HTR1E: variants seen among roughly 807,000 people sequenced by gnomAD.
HTR1E encodes 5-HT-1E.
Under a neutral mutation model 3.4 loss-of-function variants are expected in HTR1E, and 3 were observed. The observed-to-expected ratio is 0.89, with a 90% CI of 0.41 to 2.31. The LOEUF is 2.31. Among genes scored for constraint, HTR1E ranks in the 30% most tolerant of loss-of-function variants. HTR1E has a pLI of 0.05. For missense variants in HTR1E, 392 were observed against 467.0 expected, an observed-to-expected ratio of 0.84 and a Z score of 1.48; for synonymous variants, 170 against 182.8, an observed-to-expected ratio of 0.93 and a Z score of 0.56.
At chr6:86,981,783 T>C (rs1035641584) in intron 1 of HTR1E, among the ~76,000 whole-genome samples, 3 of 152,190 alleles carry the variant, frequency 2.0e-5, no homozygotes, top group African/African-American at 7.2e-5. Context: ...CTCAAAGAAA[T>C]CAAGTAAATT....
At chr6:86,938,166 G>C (rs73497519) in intron 1 of HTR1E, among the ~76,000 whole-genome samples, 1,972 of 152,264 alleles carry the variant, frequency 0.013, 40 homozygotes, top group African/African-American at 0.045. Context: ...GTGCTGGGGG[G>C]GGCCAGGGAA....
intron 1 of HTR1E, among the ~76,000 whole-genome samples, chr6:86,944,879 C>T (rs1051196915): frequency 1.3e-5 from 2 of 152,134 alleles, no homozygotes; most frequent in Non-Finnish European, 2.9e-5. Context: ...TGTAAGCAAA[C>T]CTGTGCTGCC....
At chr6:87,009,951 G>A (rs1329636678) in intron 1 of HTR1E, among the ~76,000 whole-genome samples, 22 of 128,038 alleles carry the variant, frequency 1.7e-4, no homozygotes, top group African/African-American at 7.0e-4. Context: ...CTTCCCAGTA[G>A]GGGCGGCCGG....
intron 1 of HTR1E, among the ~76,000 whole-genome samples, chr6:86,962,350 T>C (rs547640013): frequency 6.6e-6 from 1 of 152,322 alleles, no homozygotes; most frequent in South Asian, 2.1e-4. Flanking sequence ...AACATAATTA[T>C]TCATTCTATA....
At chr6:86,998,029 T>C (rs1205990118) in intron 1 of HTR1E, among the ~76,000 whole-genome samples, 2 of 148,442 alleles carry the variant, frequency 1.3e-5, no homozygotes, top group Non-Finnish European at 3.0e-5. Flanking sequence ...ATAAGAACTA[T>C]TCATCAAAAA....
intron 1 of HTR1E, among the ~76,000 whole-genome samples, chr6:86,980,835 T>G (rs1767701812): frequency 6.6e-6 from 1 of 152,210 alleles, no homozygotes; most frequent in African/African-American, 2.4e-5. Context: ...TCCTATGAGA[T>G]TCACAGTTCC....
rs556515209 is a variant in HTR1E at position 86,939,481 on chromosome 6, T to A, written c.-186+1658T>A. Among the ~76,000 whole-genome samples the A allele has an allele frequency of 2.6e-5, 4 of 152,288 alleles. No homozygotes were observed. The East Asian group carries it at 7.7e-4, about 29-fold the overall frequency. On this transcript the variant is annotated intron_variant, in intron 1 of 1. Transcript: ENST00000305344. Reference sequence around the variant, plus strand: ...ATCACCTGACATGGGCTGCAGAAGCTCCAAGGATTGCTATAGATCTCAATT... The same window carrying A: ...ATCACCTGACATGGGCTGCAGAAGCACCAAGGATTGCTATAGATCTCAATT...
At chr6:86,983,698 T>C (rs1390635955) in intron 1 of HTR1E, among the ~76,000 whole-genome samples, 1 of 152,158 alleles carries the variant, frequency 6.6e-6, no homozygotes, top group African/African-American at 2.4e-5. Context: ...ATTATAAATG[T>C]TGAAGGTGAT....
At chr6:87,000,221 A>T (rs1391012755) in intron 1 of HTR1E, 1 of 152,672 alleles carries the variant, frequency 6.5e-6, no homozygotes, top group African/African-American at 2.4e-5. Flanking sequence ...AAAATTCCAC[A>T]TCTCCAACCA....
chr6:86,948,707 C>T (rs956695111), intron 1 of HTR1E, among the ~76,000 whole-genome samples: 1 of 152,164 alleles, frequency 6.6e-6, no homozygotes, highest in Non-Finnish European at 1.5e-5. Flanking sequence ...ACATGGGACC[C>T]AGGCCCATCC....
At chr6:86,950,366 T>C (rs970023579) in intron 1 of HTR1E, among the ~76,000 whole-genome samples, 1 of 152,156 alleles carries the variant, frequency 6.6e-6, no homozygotes, top group Non-Finnish European at 1.5e-5. Context: ...AAAGTTCTGA[T>C]AGAGATGAAG....
intron 1 of HTR1E, among the ~76,000 whole-genome samples, chr6:86,991,102 C>A (rs11966308): frequency 0.043 from 6,548 of 152,166 alleles, 243 homozygotes; most frequent in East Asian, 0.13. Context: ...ATCAGATAAA[C>A]TGAGATCAGG....
At chr6:86,974,051 C>CA (rs35971001) in intron 1 of HTR1E, among the ~76,000 whole-genome samples, 11,361 of 152,214 alleles carry the variant, frequency 0.075, 546 homozygotes, top group East Asian at 0.15. Context: ...TCCTTCTCCA[C>CA]AAAACCCTTC....
At chr6:86,959,264 T>C (rs1405036398) in intron 1 of HTR1E, among the ~76,000 whole-genome samples, 1 of 151,584 alleles carries the variant, frequency 6.6e-6, no homozygotes, top group Non-Finnish European at 1.5e-5. Flanking sequence ...AATCTCATCT[T>C]AAAAAAAGAA....
intron 1 of HTR1E, among the ~76,000 whole-genome samples, chr6:86,994,965 G>C (rs1767915579): frequency 2.0e-5 from 3 of 151,876 alleles, no homozygotes; most frequent in Admixed American, 2.0e-4. Flanking sequence ...TACTAAAAGA[G>C]CTCTACAAAG....
chr6:87,015,716 A>G lies in HTR1E; in HGVS notation c.382A>G (p.Ile128Val), dbSNP rs1562076335. 1 of 1,612,916 alleles carries G rather than the reference A, an allele frequency of 6.2e-7. No individual in the cohort carries two copies. The highest frequency in any genetic ancestry group is 2.2e-5 in the East Asian group (1 of 44,866). Residue 128 changes from isoleucine (I) to valine (V), a missense_variant, in exon 2 of 2, where the codon ATT becomes GTT. Physicochemically the swap from Ile to Val is conservative, Grantham distance 29. Transcript: ENST00000305344. ...CAGGTACTGGGCCATCACCAATGCT[A>G]TTGAATACGCCAGGAAGAGGACGGC... ...LDRYWAITNA[I>V]EYARKRTAKR... is the part of the protein sequence containing the mutation.
intron 1 of HTR1E, among the ~76,000 whole-genome samples, chr6:86,965,317 C>T (rs1767458167): frequency 6.6e-6 from 1 of 152,182 alleles, no homozygotes; most frequent in Non-Finnish European, 1.5e-5. Context: ...CTATCCCACT[C>T]CCCCGACTTT....
intron 1 of HTR1E, among the ~76,000 whole-genome samples, chr6:86,999,274 TTTTTG>T (rs1767985512): frequency 6.6e-6 from 1 of 152,140 alleles, no homozygotes; most frequent in African/African-American, 2.4e-5. Flanking sequence ...TTTTGGGGTT[TTTTTG>T]TTTTGTTTTT....
intron 1 of HTR1E, among the ~76,000 whole-genome samples, chr6:86,961,509 GTATCCGGC>G (rs1445286841): frequency 6.6e-6 from 1 of 152,070 alleles, no homozygotes; most frequent in African/African-American, 2.4e-5. Context: ...CCCTTCCTGA[GTATCCGGC>G]TATTCTAATT....
Sources: allele counts gnomAD v4.1 joint callset (sites outside exome capture counted in the v4.1 genomes callset), GRCh38; gene constraint gnomAD v4.1.1; transcripts MANE v1.5; gene names NCBI Gene and HGNC (gene_info 2026-07-23, HGNC 2026-07-21).